GPR39: variants seen among roughly 807,000 people sequenced by gnomAD.
GPR39 encodes G protein-coupled receptor 39.
Under a neutral mutation model 18.4 loss-of-function variants are expected in GPR39, and 23 were observed. The ratio of observed to expected loss-of-function variants is 1.25; its 90% CI spans 0.90 to 1.77. The LOEUF (loss-of-function observed/expected upper bound fraction) is 1.77, where lower values mean the gene tolerates loss of function less well. Ranked by LOEUF, GPR39 falls within the 40% of genes most tolerant of loss-of-function variation. GPR39 has a pLI of 0.00. For synonymous variants in GPR39, 280 were observed against 257.9 expected, an observed-to-expected ratio of 1.09 and a Z score of -0.82; for missense variants, 647 against 602.4, an observed-to-expected ratio of 1.07 and a Z score of -0.78.
intron 1 of GPR39, among the ~76,000 whole-genome samples, chr2:132,617,488 A>T (rs1196763248): frequency 6.6e-6 from 1 of 151,994 alleles, no homozygotes; most frequent in Non-Finnish European, 1.5e-5. Context: ...CTTGATTTAC[A>T]TTTCTTTCAT....
intron 1 of GPR39, among the ~76,000 whole-genome samples, chr2:132,431,397 T>C (rs1355310356): frequency 1.3e-5 from 2 of 152,248 alleles, no homozygotes; most frequent in Non-Finnish European, 2.9e-5. Flanking sequence ...ATTCATTGCC[T>C]TCTGGAAATC....
intron 1 of GPR39, among the ~76,000 whole-genome samples, chr2:132,479,511 G>A (rs1443277243): frequency 1.3e-5 from 2 of 152,166 alleles, no homozygotes; most frequent in Admixed American, 1.3e-4. Flanking sequence ...AGCTGGTGTG[G>A]TTATAAAGAT....
intron 1 of GPR39, among the ~76,000 whole-genome samples, chr2:132,447,147 G>A (rs181672474): frequency 1.2e-3 from 188 of 152,200 alleles, no homozygotes; most frequent in African/African-American, 4.1e-3. Flanking sequence ...TCTGTACCTC[G>A]GTCTTCATCC....
chr2:132,480,449 T>C (rs1681212984), intron 1 of GPR39, among the ~76,000 whole-genome samples: 1 of 152,158 alleles, frequency 6.6e-6, no homozygotes, highest in Non-Finnish European at 1.5e-5. Context: ...AAAAAGAATA[T>C]AGATACAGCG....
chr2:132,465,167 A>G lies in GPR39; in HGVS notation c.856+47269A>G, dbSNP rs147067201. Among the ~76,000 whole-genome samples, 93 of 152,288 alleles carry G rather than the reference A, an allele frequency of 6.1e-4. 1 individual carries two copies. The highest frequency in any genetic ancestry group is 2.1e-3 in the African/African-American group (89 of 41,556). On this transcript the variant is annotated intron_variant, in intron 1 of 1. Transcript: ENST00000329321. The stretch of plus-strand genomic sequence containing the variant: ...CTCAAGGAACAGCATCTTTCACTCA[A>G]TGAGAAGGTTAAAACAAAAGCAAAA...
intron 1 of GPR39, among the ~76,000 whole-genome samples, chr2:132,493,129 A>G (rs1681537681): frequency 2.8e-5 from 4 of 144,492 alleles, no homozygotes; most frequent in African/African-American, 1.0e-4. Flanking sequence ...CATTCCATAT[A>G]TATACCATAT....
intron 1 of GPR39, among the ~76,000 whole-genome samples, chr2:132,578,444 A>G (rs575514662): frequency 1.3e-5 from 2 of 152,268 alleles, no homozygotes; most frequent in African/African-American, 4.8e-5. Context: ...AGAATTGCTG[A>G]TAGATTTTTT....
intron 1 of GPR39, among the ~76,000 whole-genome samples, chr2:132,632,223 G>A (rs1482710407): frequency 6.6e-6 from 1 of 152,132 alleles, no homozygotes; most frequent in African/African-American, 2.4e-5. Flanking sequence ...CCAATCAAAA[G>A]CAGACATTCT....
intron 1 of GPR39, among the ~76,000 whole-genome samples, chr2:132,517,296 G>A (rs1449974061): frequency 1.3e-5 from 2 of 152,062 alleles, no homozygotes; most frequent in Non-Finnish European, 2.9e-5. Context: ...GCCATTTTGG[G>A]GGAGGTTAGT....
intron 1 of GPR39, among the ~76,000 whole-genome samples, chr2:132,481,349 A>G (rs879907679): frequency 6.6e-6 from 1 of 152,220 alleles, no homozygotes; most frequent in Admixed American, 6.5e-5. Context: ...AAAATGGAAA[A>G]GGAGGGTAAC....
chr2:132,536,451 G>A (rs1049314965), intron 1 of GPR39, among the ~76,000 whole-genome samples: 8 of 152,240 alleles, frequency 5.3e-5, no homozygotes, highest in African/African-American at 1.9e-4. Context: ...TATAATTTCT[G>A]TTCTTTTGCA....
At chr2:132,633,937 G>A (rs1330744578) in intron 1 of GPR39, among the ~76,000 whole-genome samples, 2 of 145,104 alleles carry the variant, frequency 1.4e-5, no homozygotes, top group Non-Finnish European at 2.9e-5. Context: ...AGTGTTATTA[G>A]TGTTGGTAGA....
intron 1 of GPR39, among the ~76,000 whole-genome samples, chr2:132,601,204 A>C (rs1681037059): frequency 6.6e-6 from 1 of 152,170 alleles, no homozygotes; most frequent in Non-Finnish European, 1.5e-5. Context: ...ATAGAAGCAA[A>C]AATCCTCAAC....
intron 1 of GPR39, among the ~76,000 whole-genome samples, chr2:132,598,682 G>C (rs1203982594): frequency 2.6e-5 from 4 of 152,130 alleles, no homozygotes; most frequent in African/African-American, 9.6e-5. Context: ...AAGCATCCCA[G>C]TCCACCAGGG....
chr2:132,645,690 C>T lies in GPR39; in HGVS notation c.*84C>T, dbSNP rs934635835. On this transcript the variant is annotated 3_prime_UTR_variant, in exon 2 of 2. Transcript: ENST00000329321. ...TCTCACTCTGCAGTCTCAAACTATGCCCCCATCAGGGATGGAATGGACACT... is the reference window on the plus strand; with the variant it reads ...TCTCACTCTGCAGTCTCAAACTATGTCCCCATCAGGGATGGAATGGACACT... The T allele has an allele frequency of 4.6e-6, 7 of 1,506,312 alleles. No individual in the cohort carries two copies. Among genetic ancestry groups the T allele is most frequent in the Middle Eastern group, 2.1e-4 (1 of 4,690 alleles). 93.3% of individuals were successfully genotyped at this position (1,506,312 alleles called of 1,614,324 possible).
In GPR39 at chr2:132,645,501, C is replaced by T; in HGVS notation, c.1257C>T (p.Pro419=). Residue 419 remains proline (P), a synonymous_variant, in exon 2 of 2, where the codon CCC becomes CCT. Coordinates refer to ENST00000329321, the MANE Select transcript of GPR39 (RefSeq NM_001508.3). ...FLSTFQSEAE[P]QSKSQSLSLE... is the part of the protein sequence containing the mutation. The stretch of plus-strand genomic sequence containing the variant: ...GCACTTTTCAGAGCGAGGCCGAGCC[C>T]CAGTCTAAGTCCCAGTCATTGAGTC... The T allele has an allele frequency of 1.2e-6, 2 of 1,613,672 alleles. No individual in the cohort carries two copies. The highest frequency in any genetic ancestry group is 1.7e-6 in the Non-Finnish European group (2 of 1,180,014).
At chr2:132,435,356 T>G (rs948027566) in intron 1 of GPR39, among the ~76,000 whole-genome samples, 4 of 152,212 alleles carry the variant, frequency 2.6e-5, no homozygotes, top group African/African-American at 9.6e-5. Context: ...ACCTTTATGA[T>G]GATCCACTTT....
At chr2:132,538,112 G>C (rs1679792787) in intron 1 of GPR39, among the ~76,000 whole-genome samples, 1 of 152,108 alleles carries the variant, frequency 6.6e-6, no homozygotes, top group African/African-American at 2.4e-5. Flanking sequence ...CAGTCATTCG[G>C]AGGAGAAGAG....
chr2:132,449,566 G>T (rs1009184338), intron 1 of GPR39, among the ~76,000 whole-genome samples: 2 of 152,152 alleles, frequency 1.3e-5, no homozygotes, highest in African/African-American at 4.8e-5. Flanking sequence ...CTTTATTAAT[G>T]GAAGCTGTTT....
Sources: allele counts gnomAD v4.1 joint callset (sites outside exome capture counted in the v4.1 genomes callset), GRCh38; gene constraint gnomAD v4.1.1; transcripts MANE v1.5; gene names NCBI Gene and HGNC (gene_info 2026-07-23, HGNC 2026-07-21).